Variants in EDIL3 observed in about 807,000 individuals in gnomAD.
The protein encoded by EDIL3 is EGF like and discoidin domains 3, also known as EGF-like repeat and discoidin I-like domain-containing protein 3.
In EDIL3, 37 loss-of-function variants were observed where a neutral mutation model predicts 67.4. The observed-to-expected ratio is 0.55, with a 90% CI of 0.42 to 0.72. The LOEUF is 0.72. Among genes scored for constraint, EDIL3 ranks in the 30% least tolerant of loss-of-function variants. The pLI is 0.00. For missense variants in EDIL3, 527 were observed against 586.3 expected, an observed-to-expected ratio of 0.90 and a Z score of 1.04; for synonymous variants, 195 against 196.3, an observed-to-expected ratio of 0.99 and a Z score of 0.05.
chr5:83,961,378 T>C (rs990576215), intron 10 of EDIL3, among the ~76,000 whole-genome samples: 1 of 151,184 alleles, frequency 6.6e-6, no homozygotes, highest in Non-Finnish European at 1.5e-5. Flanking sequence ...ACAAAAATTT[T>C]ATGTAAGTTT....
At chr5:84,342,721 T>C (rs1747141024) in intron 1 of EDIL3, among the ~76,000 whole-genome samples, 1 of 152,052 alleles carries the variant, frequency 6.6e-6, no homozygotes, top group Admixed American at 6.6e-5. Flanking sequence ...TTACTTTTCT[T>C]TGAAAAAAAT....
Position 84,384,654 on chromosome 5 carries a change from C to T in EDIL3, c.-280G>A, listed in dbSNP as rs942138121. 1 of 229,976 alleles carries T rather than the reference C, an allele frequency of 4.3e-6. No individual in the cohort carries two copies. Among genetic ancestry groups the T allele is most frequent in the Admixed American group, 5.8e-5 (1 of 17,368 alleles). 14.2% of individuals were successfully genotyped at this position (229,976 alleles called of 1,614,324 possible). A position where few individuals can be genotyped will look rare whatever the true frequency, so the allele number is the denominator to read the frequency against. ...GCTCAGCCCTCCGCTGCGGGTGGGTCCCGGCAGAGGCGCGGCGGGCGGGGC... is the reference window on the plus strand; with the variant it reads ...GCTCAGCCCTCCGCTGCGGGTGGGTTCCGGCAGAGGCGCGGCGGGCGGGGC... On this transcript the variant is annotated 5_prime_UTR_variant, in exon 1 of 11. Transcript: ENST00000296591.
At position 84,084,493 on chromosome 5, in the gene EDIL3, A is replaced by G. The variant is rs562604374; in HGVS notation, c.652-17887T>C. Among the ~76,000 whole-genome samples, 3 of 152,308 alleles carry G rather than the reference A, an allele frequency of 2.0e-5. No homozygotes were observed. The East Asian group carries it at 5.8e-4, about 29-fold the overall frequency. Reference sequence around the variant, plus strand: ...CATCTGTAACACAAGTTTTACAGTTAATTTTATGAAGAGTGAATAGAACAA... The same window carrying G: ...CATCTGTAACACAAGTTTTACAGTTGATTTTATGAAGAGTGAATAGAACAA... On this transcript the variant is annotated intron_variant, in intron 6 of 10. Transcript: ENST00000296591.
intron 9 of EDIL3, among the ~76,000 whole-genome samples, chr5:84,011,764 C>T (rs1367595551): frequency 6.6e-6 from 1 of 152,152 alleles, no homozygotes; most frequent in Non-Finnish European, 1.5e-5. Flanking sequence ...CTCCCCAAAA[C>T]TTATATTGTG....
At chr5:84,193,324 C>A (rs1166074606) in intron 3 of EDIL3, among the ~76,000 whole-genome samples, 2 of 151,750 alleles carry the variant, frequency 1.3e-5, no homozygotes, top group African/African-American at 4.8e-5. Context: ...ACAGATTGGA[C>A]AGAGAAGGGT....
At chr5:84,209,604 A>C (rs1255332517) in intron 3 of EDIL3, among the ~76,000 whole-genome samples, 11 of 150,778 alleles carry the variant, frequency 7.3e-5, no homozygotes, top group Admixed American at 3.3e-4. Context: ...GTAGCTGCTA[A>C]ATGAAAAAAT....
At chr5:83,970,256 T>TTTTATATATA (rs1486786326) in intron 9 of EDIL3, among the ~76,000 whole-genome samples, 11 of 128,510 alleles carry the variant, frequency 8.6e-5, no homozygotes, top group South Asian at 4.7e-4. Context: ...GTGTCACTAA[T>TTTTATATATA]TATATATATA....
At chr5:84,328,851 CTTTTTACAAACGCTTGCAAT>C (rs1746817730) in intron 1 of EDIL3, among the ~76,000 whole-genome samples, 1 of 151,992 alleles carries the variant, frequency 6.6e-6, no homozygotes, top group African/African-American at 2.4e-5. Flanking sequence ...ACTTGTAAGG[CTTTTTACAAACGCTTGCAAT>C]TTTTCTCTGG....
chr5:83,984,270 G>A (rs965455602), intron 9 of EDIL3, among the ~76,000 whole-genome samples: 3 of 152,052 alleles, frequency 2.0e-5, no homozygotes, highest in African/African-American at 7.2e-5. Flanking sequence ...TGAAAGTGAG[G>A]TTGTGGGATA....
chr5:83,997,855 T>C (rs374947231), intron 9 of EDIL3, among the ~76,000 whole-genome samples: 1 of 152,190 alleles, frequency 6.6e-6, no homozygotes. Flanking sequence ...TGTGGGACTG[T>C]GCATTGGAAC....
intron 6 of EDIL3, among the ~76,000 whole-genome samples, chr5:84,098,125 T>G (rs1458357553): frequency 6.6e-6 from 1 of 151,572 alleles, no homozygotes; most frequent in Non-Finnish European, 1.5e-5. Flanking sequence ...CTTGTTTAAC[T>G]GCATTTACCA....
chr5:84,170,465 T>C, intron 4 of EDIL3, among the ~76,000 whole-genome samples: 1 of 152,208 alleles, frequency 6.6e-6, no homozygotes, highest in East Asian at 1.9e-4. Context: ...CTTATCACTA[T>C]GTTCAAGGTC....
Position 84,064,838 on chromosome 5 carries a change from G to C in EDIL3, c.814C>G (p.Arg272Gly). 6.2e-7 allele frequency: 1 copy of C among 1,608,172 alleles called. No homozygotes were observed. The highest frequency in any genetic ancestry group is 8.5e-7 in the Non-Finnish European group (1 of 1,177,580). Reference sequence around the variant, plus strand: ...GGAGTGTTGTTATCAATGTTTCCACGAAACACCTGTGTAAAAACAGTTTAA... The same window carrying C: ...GGAGTGTTGTTATCAATGTTTCCACCAAACACCTGTGTAAAAACAGTTTAA... The part of the protein sequence containing the change: ...VKGTNEDMVF[R>G]GNIDNNTPYA... The change falls in exon 8 of 11, where the codon CGT becomes GGT. Residue 272 changes from arginine to glycine, a missense_variant. Physicochemically the swap from Arg to Gly is moderately radical, Grantham distance 125. This residue lies in a region of EDIL3 where 494 missense variants were observed against 522.5 expected (regional missense o/e 0.95). Coordinates refer to ENST00000296591, the MANE Select transcript of EDIL3 (RefSeq NM_005711.5).
intron 1 of EDIL3, among the ~76,000 whole-genome samples, chr5:84,337,363 G>A (rs917975715): frequency 2.0e-5 from 3 of 152,100 alleles, no homozygotes; most frequent in African/African-American, 4.8e-5. Context: ...AATGGAAAGC[G>A]TGAAGAGAGG....
intron 4 of EDIL3, among the ~76,000 whole-genome samples, chr5:84,164,479 G>C (rs1748669622): frequency 6.6e-6 from 1 of 151,988 alleles, no homozygotes; most frequent in Admixed American, 6.6e-5. Flanking sequence ...AAAGATATAA[G>C]AGAAATATCC....
At chr5:84,297,189 A>AAAAAAAAAAAAAAAC (rs1746068634) in intron 1 of EDIL3, among the ~76,000 whole-genome samples, 1 of 151,490 alleles carries the variant, frequency 6.6e-6, no homozygotes, top group Non-Finnish European at 1.5e-5. Flanking sequence ...AAAAAAAAAA[A>AAAAAAAAAAAAAAAC]AAAAAAAAGA....
chr5:84,239,804 G>A (rs1744761317), intron 2 of EDIL3, among the ~76,000 whole-genome samples: 1 of 152,114 alleles, frequency 6.6e-6, no homozygotes, highest in South Asian at 2.1e-4. Flanking sequence ...TTTCTCTCTA[G>A]CAAAGAATCT....
chr5:84,141,946 TA>T (rs1748203417), intron 4 of EDIL3, among the ~76,000 whole-genome samples: 7 of 132,400 alleles, frequency 5.3e-5, no homozygotes, highest in African/African-American at 2.0e-4. Flanking sequence ...TATATATATA[TA>T]CATAGATCTA....
intron 9 of EDIL3, among the ~76,000 whole-genome samples, chr5:84,006,465 T>A (rs1001975121): frequency 6.6e-6 from 1 of 152,092 alleles, no homozygotes; most frequent in African/African-American, 2.4e-5. Flanking sequence ...CACAGGAACA[T>A]ACTGTGTAAC....
Sources: allele counts gnomAD v4.1 joint callset (sites outside exome capture counted in the v4.1 genomes callset), GRCh38; gene constraint gnomAD v4.1.1; regional missense constraint gnomAD v4.1.1; transcripts MANE v1.5; gene names NCBI Gene and HGNC (gene_info 2026-07-23, HGNC 2026-07-21).